Variants in TOR3A observed in about 807,000 individuals in gnomAD.
The protein encoded by TOR3A is torsin family 3 member A.
TOR3A carries 44 observed loss-of-function variants against 42.1 expected under a neutral mutation model. The observed-to-expected ratio is 1.04, with a 90% CI of 0.82 to 1.34. The LOEUF is 1.34. Among genes scored for constraint, TOR3A ranks in the 40% most tolerant of loss-of-function variants. The pLI is 0.00. For synonymous variants in TOR3A, 227 were observed against 213.2 expected, an observed-to-expected ratio of 1.06 and a Z score of -0.57; for missense variants, 521 against 507.6, an observed-to-expected ratio of 1.03 and a Z score of -0.25.
chr1:179,082,931 C>A lies in TOR3A; in HGVS notation c.260-9C>A. The A allele has an allele frequency of 6.4e-7, 1 of 1,552,776 alleles. No homozygotes were observed. The highest frequency in any genetic ancestry group is 2.3e-5 in the East Asian group (1 of 43,856). On this transcript the variant is annotated splice_polypyrimidine_tract_variant and intron_variant, in intron 1 of 5. Coordinates refer to ENST00000367627, the MANE Select transcript of TOR3A (RefSeq NM_022371.4). Reference sequence around the variant, plus strand: ...TCTCCTCTCGGTCTCACAGCTCCTCCTTTTCCAGGCTGGCGCCTTCCTCTG... The same window carrying A: ...TCTCCTCTCGGTCTCACAGCTCCTCATTTTCCAGGCTGGCGCCTTCCTCTG...
At chr1:179,088,695 AC>A (rs1221818400) in intron 4 of TOR3A, among the ~76,000 whole-genome samples, 1 of 152,202 alleles carries the variant, frequency 6.6e-6, no homozygotes, top group Admixed American at 6.5e-5. Flanking sequence ...TTGTGACGCT[AC>A]CATGCGGGAC....
At position 179,085,811 on chromosome 1, in the gene TOR3A, G is replaced by T; in HGVS notation, c.557G>T (p.Arg186Leu). ...CGGATGCTGGTGGAGAACCTGTATC[G>T]GGACGGGCTGATGAGTGACTGTGTC... is the stretch of plus-strand genomic sequence containing the variant. ...VARMLVENLYRDGLMSDCVRM... is the reference protein window; with the variant it reads ...VARMLVENLYLDGLMSDCVRM... The change falls in exon 3 of 6, where the codon CGG becomes CTG. Residue 186 changes from arginine to leucine, a missense_variant. Coordinates refer to ENST00000367627, the MANE Select transcript of TOR3A (RefSeq NM_022371.4). 1 of 1,614,134 alleles carries T rather than the reference G, an allele frequency of 6.2e-7. No individual in the cohort carries two copies.
intron 4 of TOR3A, among the ~76,000 whole-genome samples, chr1:179,089,680 G>A (rs1652525252): frequency 6.6e-6 from 1 of 152,210 alleles, no homozygotes; most frequent in African/African-American, 2.4e-5. Flanking sequence ...TCACCTGGGT[G>A]CTCTGTGGTT....
In TOR3A at chr1:179,082,921, A is replaced by T; in HGVS notation, c.260-19A>T. 6.5e-7 allele frequency: 1 copy of T among 1,529,394 alleles called. No homozygotes were observed. The highest frequency in any genetic ancestry group is 8.9e-7 in the Non-Finnish European group (1 of 1,128,736). 94.7% of individuals were successfully genotyped at this position (1,529,394 alleles called of 1,614,324 possible). On this transcript the variant is annotated intron_variant, in intron 1 of 5. Coordinates refer to ENST00000367627, the MANE Select transcript of TOR3A (RefSeq NM_022371.4). The stretch of plus-strand genomic sequence containing the variant: ...CACCGGATGGTCTCCTCTCGGTCTC[A>T]CAGCTCCTCCTTTTCCAGGCTGGCG...
At position 179,095,406 on chromosome 1, in the gene TOR3A, T is replaced by TTTTTTTGG. The variant is rs1652714967; in HGVS notation, c.*189_*196dup. The TTTTTTTGG allele has an allele frequency of 7.0e-7, 1 of 1,436,792 alleles. No homozygotes were observed. The highest frequency in any genetic ancestry group is 1.4e-5 in the African/African-American group (1 of 69,914). 89.0% of individuals were successfully genotyped at this position (1,436,792 alleles called of 1,614,324 possible). A position where few individuals can be genotyped will look rare whatever the true frequency, so the allele number is the denominator to read the frequency against. ...TAGAAGCCAAGCCAATCCTTTTTCT[T>TTTTTTTGG]TTTTTTGGAGGTCCCACCGAGATAG... On this transcript the variant is annotated 3_prime_UTR_variant, in exon 6 of 6. Coordinates refer to ENST00000367627, the MANE Select transcript of TOR3A (RefSeq NM_022371.4).
At chr1:179,088,971 TG>T (rs35816670) in intron 4 of TOR3A, among the ~76,000 whole-genome samples, 4 of 152,036 alleles carry the variant, frequency 2.6e-5, no homozygotes, top group Admixed American at 2.0e-4. Flanking sequence ...ACTTGCTTGC[TG>T]GGGGGGTTTC....
intron 2 of TOR3A, 79 bp downstream of exon 2, chr1:179,083,132 G>A: frequency 2.4e-6 from 2 of 839,888 alleles, no homozygotes; most frequent in Admixed American, 3.6e-5. Context: ...TAGATGCAAG[G>A]GACCTTTCGT....
chr1:179,094,293 T>C, intron 5 of TOR3A, 76 bp downstream of exon 5: 1 of 1,534,912 alleles, frequency 6.5e-7, no homozygotes, highest in Admixed American at 1.9e-5. Context: ...GAATGTGTGT[T>C]TATGAAGCAG....
intron 3 of TOR3A, 111 bp downstream of exon 3, chr1:179,086,004 G>T: frequency 7.2e-7 from 1 of 1,385,558 alleles, no homozygotes; most frequent in Non-Finnish European, 9.8e-7. Flanking sequence ...GGTGGGGACA[G>T]GTGGCAGAAC....
In TOR3A at chr1:179,087,955, C is replaced by T. The variant is rs941257729; in HGVS notation, c.684C>T (p.His228=). The T allele has an allele frequency of 3.7e-6, 6 of 1,610,552 alleles. No individual in the cohort carries two copies. The African/African-American group carries it at 4.0e-5, about 11-fold the overall frequency. The change falls in exon 4 of 6, where the codon CAC becomes CAT. Residue 228 remains histidine (H), a synonymous_variant. Coordinates refer to ENST00000367627, the MANE Select transcript of TOR3A (RefSeq NM_022371.4). The part of the protein sequence containing the change: ...SQIRETQQLC[H]QTLFIFDEAE... The stretch of plus-strand genomic sequence containing the variant: ...TCCGGGAGACGCAGCAGCTCTGCCA[C>T]CAGACCCTGTTCATCTTCGATGAAG...
Position 179,083,595 on chromosome 1 carries a change from G to C in TOR3A, c.373+542G>C, listed in dbSNP as rs1000299036. Among the ~76,000 whole-genome samples, 802 of 112,628 alleles carry C rather than the reference G, an allele frequency of 7.1e-3. 96 individuals are homozygous for C. Among genetic ancestry groups the C allele is most frequent in the Non-Finnish European group, 9.0e-3 (439 of 48,816 alleles). The allele number at this position is 112,628 out of a possible 152,430, so 73.9% of individuals were successfully genotyped here. ...TTTAGTAGAGGCGGGGGGGGGGGGG[G>C]GGGGCGGGTTTCACCATGTTGGCCA... On this transcript the variant is annotated intron_variant, in intron 2 of 5. Transcript: ENST00000367627.
At chr1:179,090,019 C>T (rs1187185582) in intron 4 of TOR3A, among the ~76,000 whole-genome samples, 6 of 151,658 alleles carry the variant, frequency 4.0e-5, no homozygotes, top group East Asian at 3.9e-4. Flanking sequence ...TTTTGGCCGT[C>T]GACCTGACAG....
rs1304814534 is a variant in TOR3A, at chr1:179,095,988, T to G, written c.*770T>G. The stretch of plus-strand genomic sequence containing the variant: ...GATGATAAGATTAAAATTTTTGATT[T>G]TCCTAAAATCCTTGGCGTACTTTCT... On this transcript the variant is annotated 3_prime_UTR_variant, in exon 6 of 6. Coordinates refer to ENST00000367627, the MANE Select transcript of TOR3A (RefSeq NM_022371.4). 2.0e-6 allele frequency: 2 copies of G among 985,132 alleles called. No individual in the cohort carries two copies. Among genetic ancestry groups the G allele is most frequent in the African/African-American group, 3.5e-5 (2 of 57,174 alleles). The allele number at this position is 985,132 out of a possible 1,614,324, so 61.0% of individuals were successfully genotyped here.
chr1:179,086,292 G>A (rs2102542712), intron 3 of TOR3A, among the ~76,000 whole-genome samples: 1 of 152,346 alleles, frequency 6.6e-6, no homozygotes, highest in Admixed American at 6.5e-5. Context: ...TGCTGCCTTT[G>A]GTGCGGAACC....
At chr1:179,083,348 G>A (rs1376460471) in intron 2 of TOR3A, among the ~76,000 whole-genome samples, 1 of 152,028 alleles carries the variant, frequency 6.6e-6, no homozygotes, top group African/African-American at 2.4e-5. Context: ...ACTATCCAGA[G>A]AGAACTGATC....
At position 179,095,275 on chromosome 1, in the gene TOR3A, C is replaced by G. The variant is rs2102547990; in HGVS notation, c.*57C>G. The G allele has an allele frequency of 1.9e-6, 3 of 1,603,334 alleles. No individual in the cohort carries two copies. In the East Asian group the frequency reaches 6.7e-5, roughly 36 times the overall value. Reference sequence around the variant, plus strand: ...TCTTCCACTAACAGGACCCTGGGACCTGTAGGAGCACCCCGTTTGGGACTG... The same window carrying G: ...TCTTCCACTAACAGGACCCTGGGACGTGTAGGAGCACCCCGTTTGGGACTG... On this transcript the variant is annotated 3_prime_UTR_variant, in exon 6 of 6. Coordinates refer to ENST00000367627, the MANE Select transcript of TOR3A (RefSeq NM_022371.4).
chr1:179,082,659 C>T lies in TOR3A; in HGVS notation c.259+272C>T, dbSNP rs573450939. 14 of 708,916 alleles carry T rather than the reference C, an allele frequency of 2.0e-5. No individual in the cohort carries two copies. The African/African-American group carries it at 2.3e-4, about 11-fold the overall frequency. The allele number at this position is 708,916 out of a possible 1,614,324, so 43.9% of individuals were successfully genotyped here. A position where few individuals can be genotyped will look rare whatever the true frequency, so the allele number is the denominator to read the frequency against. On this transcript the variant is annotated intron_variant, in intron 1 of 5. Coordinates refer to ENST00000367627, the MANE Select transcript of TOR3A (RefSeq NM_022371.4). ...TCCCTGCGCTTTCCAGATTCTCTCG[C>T]ACCGCCTGTGCCATCTCCCAGCCCA...
intron 4 of TOR3A, among the ~76,000 whole-genome samples, chr1:179,090,754 A>C (rs985963210): frequency 5.9e-5 from 9 of 152,162 alleles, no homozygotes; most frequent in Non-Finnish European, 1.2e-4. Flanking sequence ...ACTTCTGCCA[A>C]GTATAGAAGG....
rs376490222 is a variant in TOR3A at position 179,095,067 on chromosome 1, G to A, written c.1043G>A (p.Arg348Gln). 3.6e-5 allele frequency: 58 copies of A among 1,614,076 alleles called. No homozygotes were observed. The highest frequency in any genetic ancestry group is 1.8e-4 in the East Asian group (8 of 44,896). Residue 348 changes from arginine (R) to glutamine (Q), a missense_variant, in exon 6 of 6, where the codon CGG (arginine) becomes CAG (glutamine). Physicochemically the swap from Arg to Gln is conservative, Grantham distance 43. Transcript: ENST00000367627. ...TACCGTCACGTGAGGCTGTGTGCAC[G>A]GGATGCCTTCCTGAGCCAGGAGCTC... ...LEYRHVRLCA[R>Q]DAFLSQELLY...
Sources: allele counts gnomAD v4.1 joint callset (sites outside exome capture counted in the v4.1 genomes callset), GRCh38; gene constraint gnomAD v4.1.1; transcripts MANE v1.5; gene names NCBI Gene and HGNC (gene_info 2026-07-23, HGNC 2026-07-21).